ASAP3: variants seen among roughly 807,000 people sequenced by gnomAD.
ASAP3 encodes the protein ArfGAP with SH3 domain, ankyrin repeat and PH domain 3, also known as arf-GAP with SH3 domain, ANK repeat and PH domain-containing protein 3.
ASAP3 carries 85 observed loss-of-function variants against 118.2 expected under a neutral mutation model. The observed-to-expected ratio is 0.72, with a 90% CI of 0.60 to 0.86. The LOEUF is 0.86. Ranked by LOEUF, ASAP3 falls within the 40% of genes least tolerant of loss-of-function variation. The probability of loss-of-function intolerance (pLI) is 0.00; values close to 1 mark genes in which losing one functional copy is unlikely to be tolerated. For synonymous variants in ASAP3, 432 were observed against 477.4 expected (o/e 0.90, Z 1.24); for missense variants, 1,026 against 1,175.0 (o/e 0.87, Z 1.85).
At chr1:23,483,519 C>T (rs1158688977) in intron 1 of ASAP3, among the ~76,000 whole-genome samples, 1 of 152,152 alleles carries the variant, frequency 6.6e-6, no homozygotes, top group Non-Finnish European at 1.5e-5. Context: ...GGCGCCTTCC[C>T]ATCCGCATTC....
At chr1:23,471,105 C>G (rs372011169) in intron 1 of ASAP3, among the ~76,000 whole-genome samples, 2 of 152,242 alleles carry the variant, frequency 1.3e-5, no homozygotes, top group African/African-American at 2.4e-5. Flanking sequence ...CCCTGCCCCC[C>G]ACTTGGGCTT....
chr1:23,469,745 A>G (rs1641900442), intron 1 of ASAP3, among the ~76,000 whole-genome samples: 1 of 152,192 alleles, frequency 6.6e-6, no homozygotes, highest in Admixed American at 6.5e-5. Context: ...TCTGTGAGGT[A>G]GTTATTATCC....
At position 23,429,754 on chromosome 1, in the gene ASAP3, A is replaced by G; in HGVS notation, c.*102T>C. On this transcript the variant is annotated 3_prime_UTR_variant, in exon 25 of 25. Transcript: ENST00000336689. ...AGAGGCACAAGGGACAGAGAGAGTG[A>G]GATCCAAGAGAACAAATGTCTCAGC... is the stretch of plus-strand genomic sequence containing the variant. 1.7e-6 allele frequency: 2 copies of G among 1,176,576 alleles called. No homozygotes were observed. The highest frequency in any genetic ancestry group is 2.4e-6 in the Non-Finnish European group (2 of 828,798). 72.9% of individuals were successfully genotyped at this position (1,176,576 alleles called of 1,614,324 possible). A position where few individuals can be genotyped will look rare whatever the true frequency, so the allele number is the denominator to read the frequency against.
At chr1:23,452,182 G>A (rs992386384) in intron 4 of ASAP3, among the ~76,000 whole-genome samples, 2 of 152,186 alleles carry the variant, frequency 1.3e-5, no homozygotes, top group Non-Finnish European at 2.9e-5. Context: ...GCCTAGGGCA[G>A]GGAGGGAACC....
Position 23,484,097 on chromosome 1 carries a change from C to T in ASAP3, c.37G>A (p.Val13Ile). Reference sequence around the variant, plus strand: ...GGGGAGCTGAGGTCCTCCGCGGTGACGGCCAGGAACTCGGCGACGCTGAAC... The same window carrying T: ...GGGGAGCTGAGGTCCTCCGCGGTGATGGCCAGGAACTCGGCGACGCTGAAC... Reference protein sequence around the residue: ...EQFSVAEFLAVTAEDLSSPAG... With the variant: ...EQFSVAEFLAITAEDLSSPAG... The change falls in exon 1 of 25, where the codon GTC becomes ATC. Residue 13 changes from valine to isoleucine, a missense_variant. Transcript: ENST00000336689. 1 of 1,340,192 alleles carries T rather than the reference C, an allele frequency of 7.5e-7. No homozygotes were observed. The allele number at this position is 1,340,192 out of a possible 1,614,324, so 83.0% of individuals were successfully genotyped here.
In ASAP3 at chr1:23,429,685, T is replaced by A; in HGVS notation, c.*171A>T. 3.2e-6 allele frequency: 2 copies of A among 626,008 alleles called. No homozygotes were observed. Among genetic ancestry groups the A allele is most frequent in the Non-Finnish European group, 5.5e-6 (2 of 366,842 alleles). 38.8% of individuals were successfully genotyped at this position (626,008 alleles called of 1,614,324 possible). A position where few individuals can be genotyped will look rare whatever the true frequency, so the allele number is the denominator to read the frequency against. On this transcript the variant is annotated 3_prime_UTR_variant, in exon 25 of 25. Transcript: ENST00000336689. ...AGTCCTAACAGGGAAAGGCCATGTG[T>A]CCTTGGTAGAGGCATGGCCTGTGGC...
At chr1:23,431,282 T>A (rs1379781251) in intron 23 of ASAP3, among the ~76,000 whole-genome samples, 157 bp from the exon 24 acceptor site, 1 of 152,212 alleles carries the variant, frequency 6.6e-6, no homozygotes, top group African/African-American at 2.4e-5. Context: ...CCAAGAAGGC[T>A]GGAACTGACC....
chr1:23,479,991 T>C (rs1174501477), intron 1 of ASAP3: 1 of 151,920 alleles, frequency 6.6e-6, no homozygotes, highest in Non-Finnish European at 1.5e-5. Flanking sequence ...CCGGGCAACA[T>C]AGTGAAACCC....
intron 17 of ASAP3, chr1:23,435,648 A>C (rs1439351513): frequency 1.6e-6 from 1 of 644,832 alleles, no homozygotes; most frequent in Non-Finnish European, 2.8e-6. Flanking sequence ...GCCCTAGATC[A>C]CACAGCTAGG....
At chr1:23,475,128 A>G (rs1001586281) in intron 1 of ASAP3, among the ~76,000 whole-genome samples, 1 of 152,204 alleles carries the variant, frequency 6.6e-6, no homozygotes, top group African/African-American at 2.4e-5. Context: ...TGAAAACAAC[A>G]AATTCTTGCT....
At position 23,431,791 on chromosome 1, in the gene ASAP3, G is replaced by A; in HGVS notation, c.2451C>T (p.Asn817=). 1 of 1,547,746 alleles carries A rather than the reference G, an allele frequency of 6.5e-7. No homozygotes were observed. Among genetic ancestry groups the A allele is most frequent in the East Asian group, 2.3e-5 (1 of 43,152 alleles). The change falls in exon 23 of 25, where the codon AAC becomes AAT. Residue 817 remains asparagine (N), a synonymous_variant. Coordinates refer to ENST00000336689, the MANE Select transcript of ASAP3 (RefSeq NM_017707.4). Reference sequence around the variant, plus strand: ...GGGGCTCTCGGAGGCCCTCTTCAGAGTTGGGTGGGGCTTGGCTGGGATCCC... The same window carrying A: ...GGGGCTCTCGGAGGCCCTCTTCAGAATTGGGTGGGGCTTGGCTGGGATCCC... The part of the protein sequence containing the change: ...EPGDPSQAPP[N]SEEGLREPPG...
At chr1:23,432,239 TGG>T in intron 22 of ASAP3, among the ~76,000 whole-genome samples, 1 of 152,138 alleles carries the variant, frequency 6.6e-6, no homozygotes, top group East Asian at 1.9e-4. Context: ...AATCCTTACC[TGG>T]GGTGATCCGC....
chr1:23,467,181 T>C (rs897366901), intron 1 of ASAP3, among the ~76,000 whole-genome samples: 1 of 148,690 alleles, frequency 6.7e-6, no homozygotes, highest in African/African-American at 2.5e-5. Flanking sequence ...GCCATTATTA[T>C]TATTATTATT....
In ASAP3 at chr1:23,468,940, A is replaced by AAATG. The variant is rs1240990675; in HGVS notation, c.130-12750_130-12747dup. Among the ~76,000 whole-genome samples the AAATG allele has an allele frequency of 2.0e-5, 3 of 151,162 alleles. No homozygotes were observed. The Admixed American group carries it at 2.0e-4, about 10-fold the overall frequency. On this transcript the variant is annotated intron_variant, in intron 1 of 24. Transcript: ENST00000336689. The stretch of plus-strand genomic sequence containing the variant: ...CAAGTTACACTTAAAATATTTAACA[A>AAATG]AATGATAAAGTACAAAAAAAAAAAC...
At chr1:23,443,751 C>T (rs1232338136) in intron 5 of ASAP3, among the ~76,000 whole-genome samples, 2 of 149,356 alleles carry the variant, frequency 1.3e-5, no homozygotes, top group East Asian at 2.0e-4. Flanking sequence ...GGCTGGAGTG[C>T]AGTGGTACGA....
chr1:23,439,374 CCT>C (rs1470432092), intron 10 of ASAP3, 144 bp from the exon 11 acceptor site: 2 of 693,090 alleles, frequency 2.9e-6, no homozygotes, highest in African/African-American at 3.5e-5. Flanking sequence ...CACCCCCACC[CCT>C]GACCCCTGAC....
At chr1:23,456,553 T>C (rs954172675) in intron 1 of ASAP3, among the ~76,000 whole-genome samples, 3 of 152,242 alleles carry the variant, frequency 2.0e-5, no homozygotes, top group African/African-American at 4.8e-5. Flanking sequence ...TCTGTTAACT[T>C]CTCTGAGCCT....
rs764032804 is a variant in ASAP3, at chr1:23,434,209, G to T, written c.1951+45C>A. On this transcript the variant is annotated intron_variant, in intron 19 of 24. Transcript: ENST00000336689. ...AGACCATCGGAAGTCCACATAAGGG[G>T]TAGTCAGGAATAGGAGTCTGACGGA... is the stretch of plus-strand genomic sequence containing the variant. The T allele has an allele frequency of 2.5e-6, 4 of 1,578,766 alleles. No homozygotes were observed. In the African/African-American group the frequency reaches 5.4e-5, roughly 21 times the overall value.
chr1:23,452,806 G>A, intron 3 of ASAP3, 35 bp from the exon 4 acceptor site: 1 of 1,603,898 alleles, frequency 6.2e-7, no homozygotes, highest in Non-Finnish European at 8.5e-7. Context: ...CCCGCCTCAG[G>A]TGACCGGCAT....
Sources: allele counts gnomAD v4.1 joint callset (sites outside exome capture counted in the v4.1 genomes callset), GRCh38; gene constraint gnomAD v4.1.1; transcripts MANE v1.5; gene names NCBI Gene and HGNC (gene_info 2026-07-23, HGNC 2026-07-21).